Variants in PROKR2 observed in about 807,000 individuals in gnomAD.
The protein encoded by PROKR2 is prokineticin receptor 2.
A neutral mutation model predicts 23.4 loss-of-function variants in PROKR2; 26 were observed. That is an observed-to-expected ratio of 1.11 (90% CI 0.81 to 1.54). The LOEUF is 1.54. Among genes scored for constraint, PROKR2 ranks in the 40% most tolerant of loss-of-function variants. PROKR2 has a pLI of 0.00. For missense variants in PROKR2, 453 were observed against 511.5 expected (o/e 0.89, Z 1.10); for synonymous variants, 212 against 201.2 (o/e 1.05, Z -0.45).
chr20:5,302,448 C>G lies in PROKR2; in HGVS notation c.747G>C (p.Glu249Asp), dbSNP rs1478200076. The change falls in exon 3 of 3, where the codon GAG (glutamate) becomes GAC (aspartate). Residue 249 changes from glutamate to aspartate, a missense_variant. Physicochemically the swap from Glu to Asp is conservative, Grantham distance 45 (BLOSUM62 2). Coordinates refer to ENST00000678254, the MANE Select transcript of PROKR2 (RefSeq NM_144773.4). ...MTLCYARISR[E>D]LWFKAVPGFQ... Reference sequence around the variant, plus strand: ...ACCCAGGGACTGCCTTGAACCAGAGCTCCCGGGAGATCCTGGCATAGCACA... The same window carrying G: ...ACCCAGGGACTGCCTTGAACCAGAGGTCCCGGGAGATCCTGGCATAGCACA... 6.2e-6 allele frequency: 10 copies of G among 1,614,240 alleles called. No homozygotes were observed. Among genetic ancestry groups the G allele is most frequent in the Admixed American group, 1.7e-5 (1 of 60,032 alleles).
Position 5,314,390 on chromosome 20 carries a change from T to C in PROKR2, c.-8-13A>G, listed in dbSNP as rs1979577119. The C allele has an allele frequency of 2.5e-6, 4 of 1,609,360 alleles. No individual in the cohort carries two copies. The highest frequency in any genetic ancestry group is 1.3e-5 in the African/African-American group (1 of 74,710). On this transcript the variant is annotated splice_polypyrimidine_tract_variant and intron_variant, in intron 1 of 2. Transcript: ENST00000678254. ...GCCATGGTGATGTCTGCAAGAAAAG[T>C]GGTGTGAGGGAGGTGCGAGGGGTGA...
At chr20:5,313,880 G>A in intron 2 of PROKR2, 32 bp downstream of exon 2, 2 of 1,575,694 alleles carry the variant, frequency 1.3e-6, no homozygotes, top group Non-Finnish European at 8.7e-7. Flanking sequence ...GCCTGGCCCA[G>A]CCCCACCACT....
chr20:5,309,874 T>C (rs1479228150), intron 2 of PROKR2, among the ~76,000 whole-genome samples: 2 of 152,350 alleles, frequency 1.3e-5, no homozygotes, highest in Non-Finnish European at 2.9e-5. Flanking sequence ...TCATTCTTTT[T>C]CCTCCAATAA....
At chr20:5,304,048 T>C (rs912348852) in intron 2 of PROKR2, among the ~76,000 whole-genome samples, 7 of 152,114 alleles carry the variant, frequency 4.6e-5, no homozygotes, top group Non-Finnish European at 1.0e-4. Flanking sequence ...GAGAGGTTCA[T>C]CCCTACTCTT....
chr20:5,314,696 A>G (rs895312331), intron 1 of PROKR2, among the ~76,000 whole-genome samples: 1 of 152,180 alleles, frequency 6.6e-6, no homozygotes, highest in Non-Finnish European at 1.5e-5. Context: ...ACAGCATAGG[A>G]TGGATCAGAC....
At chr20:5,303,044 A>G (rs1163258974) in intron 2 of PROKR2, among the ~76,000 whole-genome samples, 2 of 152,208 alleles carry the variant, frequency 1.3e-5, no homozygotes, top group Non-Finnish European at 1.5e-5. Context: ...CTGGAATAAG[A>G]TGATACTTAC....
chr20:5,305,185 C>T (rs1394392318), intron 2 of PROKR2, among the ~76,000 whole-genome samples: 1 of 152,254 alleles, frequency 6.6e-6, no homozygotes, highest in Non-Finnish European at 1.5e-5. Flanking sequence ...TCGGAAAACA[C>T]CATGAGCGGC....
At position 5,301,210 on chromosome 20, in the gene PROKR2, T is replaced by C. The variant is rs79022111; in HGVS notation, c.*830A>G. Among the ~76,000 whole-genome samples, 30 of 150,570 alleles carry C rather than the reference T, an allele frequency of 2.0e-4. No individual in the cohort carries two copies. The East Asian group carries it at 5.9e-3, about 30-fold the overall frequency. Reference sequence around the variant, plus strand: ...GTCTTCTTCTATAGCCGTTGGTTGTTGTTGTTGTTGTTTTGTTGTTTGTTT... The same window carrying C: ...GTCTTCTTCTATAGCCGTTGGTTGTCGTTGTTGTTGTTTTGTTGTTTGTTT... On this transcript the variant is annotated 3_prime_UTR_variant, in exon 3 of 3. Transcript: ENST00000678254.
intron 1 of PROKR2, 21 bp from the exon 2 acceptor site, chr20:5,314,398 G>A (rs374066241): frequency 9.4e-6 from 15 of 1,601,064 alleles, no homozygotes; most frequent in Non-Finnish European, 1.2e-5. Context: ...AGTGGTGTGA[G>A]GGAGGTGCGA....
intron 2 of PROKR2, among the ~76,000 whole-genome samples, chr20:5,312,952 G>A (rs1979495659): frequency 1.3e-5 from 2 of 152,196 alleles, no homozygotes; most frequent in African/African-American, 4.8e-5. Context: ...GGTCTATAGG[G>A]TGAATATAAT....
intron 2 of PROKR2, among the ~76,000 whole-genome samples, chr20:5,308,592 C>T (rs577605281): frequency 6.6e-5 from 10 of 152,314 alleles, no homozygotes; most frequent in African/African-American, 9.6e-5. Context: ...TCGGGGCTCT[C>T]AGCTCTGAAG....
At chr20:5,309,203 C>G (rs1234235382) in intron 2 of PROKR2, among the ~76,000 whole-genome samples, 1 of 152,188 alleles carries the variant, frequency 6.6e-6, no homozygotes, top group Non-Finnish European at 1.5e-5. Flanking sequence ...TTCATGATGA[C>G]TGAGTGAATT....
rs1232146269 is a variant in PROKR2, at chr20:5,302,715, G to C, written c.480C>G (p.Pro160=). The C allele has an allele frequency of 6.2e-7, 1 of 1,613,962 alleles. No homozygotes were observed. The highest frequency in any genetic ancestry group is 2.2e-5 in the East Asian group (1 of 44,876). The change falls in exon 3 of 3, where the codon CCC becomes CCG. Residue 160 remains proline (P), a synonymous_variant. Transcript: ENST00000678254. Reference sequence around the variant, plus strand: ...TTTGATAATTCATCCGTGGTTTCAAGGGGTGAACGATGGCGAGATATCTGG... The same window carrying C: ...TTTGATAATTCATCCGTGGTTTCAACGGGTGAACGATGGCGAGATATCTGG... ...AIDRYLAIVH[P]LKPRMNYQTA...
chr20:5,303,702 G>T (rs907051635), intron 2 of PROKR2, among the ~76,000 whole-genome samples: 1 of 152,110 alleles, frequency 6.6e-6, no homozygotes, highest in African/African-American at 2.4e-5. Flanking sequence ...TGGGGTAGGG[G>T]GTAGGGGAGG....
At chr20:5,315,983 C>T (rs1030990817) in intron 1 of PROKR2, 1 of 456,702 alleles carries the variant, frequency 2.2e-6, no homozygotes. Context: ...GCCCCCTTCC[C>T]GCCCCATCAA....
chr20:5,308,316 G>A (rs1479217216), intron 2 of PROKR2, among the ~76,000 whole-genome samples: 2 of 151,990 alleles, frequency 1.3e-5, no homozygotes, highest in African/African-American at 4.8e-5. Flanking sequence ...GGGTTTACCA[G>A]AATGAGGGCA....
rs1390194468 is a variant in PROKR2, at chr20:5,301,647, T to A, written c.*393A>T. Among the ~76,000 whole-genome samples, 2 of 152,252 alleles carry A rather than the reference T, an allele frequency of 1.3e-5. No homozygotes were observed. Among genetic ancestry groups the A allele is most frequent in the African/African-American group, 2.4e-5 (1 of 41,472 alleles). On this transcript the variant is annotated 3_prime_UTR_variant, in exon 3 of 3. Transcript: ENST00000678254. ...TCCAATAGCTTCTGCTACTTTGTTATGTTTTTTATATGTTTTTGATTGTAA... is the reference window on the plus strand; with the variant it reads ...TCCAATAGCTTCTGCTACTTTGTTAAGTTTTTTATATGTTTTTGATTGTAA...
intron 2 of PROKR2, 23 bp downstream of exon 2, chr20:5,313,889 C>G: frequency 6.2e-7 from 1 of 1,604,140 alleles, no homozygotes; most frequent in Non-Finnish European, 8.5e-7. Flanking sequence ...AGCCCCACCA[C>G]TCACCCCACC....
Position 5,301,541 on chromosome 20 carries a change from T to C in PROKR2, c.*499A>G, listed in dbSNP as rs1568568861. Among the ~76,000 whole-genome samples the C allele has an allele frequency of 6.6e-6, 1 of 152,228 alleles. No individual in the cohort carries two copies. The highest frequency in any genetic ancestry group is 1.9e-4 in the East Asian group (1 of 5,196). ...CCATCATGCCTGGCCTATAGCCTTT[T>C]GATATTCCTGCACTGGTAAGATACA... On this transcript the variant is annotated 3_prime_UTR_variant, in exon 3 of 3. Transcript: ENST00000678254.
Sources: allele counts gnomAD v4.1 joint callset (sites outside exome capture counted in the v4.1 genomes callset), GRCh38; gene constraint gnomAD v4.1.1; transcripts MANE v1.5; gene names NCBI Gene and HGNC (gene_info 2026-07-23, HGNC 2026-07-21).